Variants in ERMARD observed in about 807,000 individuals in gnomAD.
ERMARD encodes the protein ER membrane associated RNA degradation.
Under a neutral mutation model 83.9 loss-of-function variants are expected in ERMARD, and 71 were observed. The ratio of observed to expected loss-of-function variants is 0.85; its 90% CI spans 0.70 to 1.03. ERMARD has a LOEUF of 1.03. ERMARD is among the 50% of genes least tolerant of loss of function. ERMARD has a pLI of 0.00. For synonymous variants in ERMARD, 284 were observed against 298.6 expected (o/e 0.95, Z 0.50); for missense variants, 838 against 810.9 (o/e 1.03, Z -0.41).
At position 169,753,883 on chromosome 6, in the gene ERMARD, T is replaced by C; in HGVS notation, c.26T>C (p.Ile9Thr). 1 of 1,596,422 alleles carries C rather than the reference T, an allele frequency of 6.3e-7. No individual in the cohort carries two copies. The highest frequency in any genetic ancestry group is 8.5e-7 in the Non-Finnish European group (1 of 1,170,652). The change falls in exon 2 of 18, where the codon ATT (isoleucine) becomes ACT (threonine). Residue 9 changes from isoleucine to threonine, a missense_variant. Coordinates refer to ENST00000366773, the MANE Select transcript of ERMARD (RefSeq NM_018341.3). Reference sequence around the variant, plus strand: ...TTTTAGGTATTAATAGGGGACCCTATTACCACATGTCTTTCTCCCTCAGTG... The same window carrying C: ...TTTTAGGTATTAATAGGGGACCCTACTACCACATGTCTTTCTCCCTCAGTG... MEVLIGDP[I>T]TTCLSPSVYD...
chr6:169,752,458 A>T (rs1473228130), intron 1 of ERMARD, among the ~76,000 whole-genome samples: 1 of 152,198 alleles, frequency 6.6e-6, no homozygotes, highest in African/African-American at 2.4e-5. Flanking sequence ...TTCCAGCCCC[A>T]TAGAGCCACA....
intron 13 of ERMARD, among the ~76,000 whole-genome samples, chr6:169,773,695 T>C (rs1453425107): frequency 3.9e-5 from 6 of 152,254 alleles, no homozygotes; most frequent in Non-Finnish European, 7.3e-5. Flanking sequence ...TGGCAGGCTG[T>C]TATTGCTGTC....
At chr6:169,781,215 A>T in intron 17 of ERMARD, 115 bp from the exon 18 acceptor site, 1 of 903,392 alleles carries the variant, frequency 1.1e-6, no homozygotes, top group Non-Finnish European at 1.6e-6. Flanking sequence ...GAATCCTCAG[A>T]CATAAATTAA....
intron 17 of ERMARD, among the ~76,000 whole-genome samples, chr6:169,780,719 C>T (rs367839789): frequency 2.6e-5 from 4 of 152,200 alleles, no homozygotes; most frequent in East Asian, 3.9e-4. Context: ...TTGAACGATG[C>T]AGGTTTGCAC....
In ERMARD at chr6:169,769,716, A is replaced by G. The variant is rs778640199; in HGVS notation, c.1233+3A>G. 2.5e-6 allele frequency: 4 copies of G among 1,586,614 alleles called. No homozygotes were observed. In the South Asian group the frequency reaches 4.7e-5, roughly 19 times the overall value. Reference sequence around the variant, plus strand: ...ACTGTCTGCTATCAGTTTTTAAGGTAATTTATAGGGAAGAAAATCATTAAT... The same window carrying G: ...ACTGTCTGCTATCAGTTTTTAAGGTGATTTATAGGGAAGAAAATCATTAAT... On this transcript the variant is annotated splice_donor_region_variant and intron_variant, in intron 12 of 17. Coordinates refer to ENST00000366773, the MANE Select transcript of ERMARD (RefSeq NM_018341.3).
chr6:169,765,487 A>AT (rs1421714558), intron 9 of ERMARD, among the ~76,000 whole-genome samples: 1 of 152,228 alleles, frequency 6.6e-6, no homozygotes, highest in Admixed American at 6.5e-5. Flanking sequence ...GTGAGAAGGC[A>AT]TTTATACTAA....
chr6:169,777,811 C>G (rs969719299), intron 16 of ERMARD, among the ~76,000 whole-genome samples: 4 of 150,868 alleles, frequency 2.7e-5, no homozygotes, highest in Non-Finnish European at 5.9e-5. Flanking sequence ...CCAACAGGAA[C>G]AAATGTGTGG....
At position 169,751,818 on chromosome 6, in the gene ERMARD, G is replaced by A. The variant is rs1790137583; in HGVS notation, c.6+155G>A. The A allele has an allele frequency of 1.4e-5, 16 of 1,137,920 alleles. No individual in the cohort carries two copies. The South Asian group carries it at 2.6e-4, about 19-fold the overall frequency. 70.5% of individuals were successfully genotyped at this position (1,137,920 alleles called of 1,614,324 possible). The stretch of plus-strand genomic sequence containing the variant: ...GGGCGCTGGCGACGTCGCGGCCCTG[G>A]CCTCTGTGGCGGTATCGGACGCTCG... On this transcript the variant is annotated intron_variant, in intron 1 of 17. Coordinates refer to ENST00000366773, the MANE Select transcript of ERMARD (RefSeq NM_018341.3).
At chr6:169,773,546 G>A in intron 13 of ERMARD, 144 bp downstream of exon 13, 3 of 697,324 alleles carry the variant, frequency 4.3e-6, no homozygotes, top group Non-Finnish European at 7.2e-6. Flanking sequence ...TGCGGGGCCT[G>A]CTGTGGCGCT....
chr6:169,764,243 C>CT (rs897816975), intron 9 of ERMARD, among the ~76,000 whole-genome samples: 8 of 150,092 alleles, frequency 5.3e-5, no homozygotes, highest in South Asian at 2.1e-4. Flanking sequence ...CCTGCTGATT[C>CT]TTTTTTTTAG....
At position 169,775,207 on chromosome 6, in the gene ERMARD, A is replaced by G. The variant is rs1793437689; in HGVS notation, c.1318-63A>G. Reference sequence around the variant, plus strand: ...CTAGAGAGTGATGTAACATCCATAAAAACACAGATTTTCTAGGAAGTTACT... The same window carrying G: ...CTAGAGAGTGATGTAACATCCATAAGAACACAGATTTTCTAGGAAGTTACT... On this transcript the variant is annotated intron_variant, in intron 13 of 17. Transcript: ENST00000366773. The G allele has an allele frequency of 1.9e-6, 3 of 1,548,266 alleles. No homozygotes were observed. The African/African-American group carries it at 4.1e-5, about 21-fold the overall frequency.
Position 169,769,642 on chromosome 6 carries a change from A to T in ERMARD, c.1162A>T (p.Asn388Tyr). The change falls in exon 12 of 18, where the codon AAT becomes TAT. Residue 388 changes from asparagine (N) to tyrosine (Y), a missense_variant. Transcript: ENST00000366773. ...NLHEFSKETT[N>Y]QLLAFSLVLL... ...ACATGAATTTTCAAAAGAAACAACTAATCAGTTGCTTGCATTTTCTCTTGT... is the reference window on the plus strand; with the variant it reads ...ACATGAATTTTCAAAAGAAACAACTTATCAGTTGCTTGCATTTTCTCTTGT... 1 of 1,612,938 alleles carries T rather than the reference A, an allele frequency of 6.2e-7. No individual in the cohort carries two copies. Among genetic ancestry groups the T allele is most frequent in the Non-Finnish European group, 8.5e-7 (1 of 1,179,478 alleles).
At position 169,760,690 on chromosome 6, in the gene ERMARD, C is replaced by T. The variant is rs1170095555; in HGVS notation, c.791C>T (p.Ser264Phe). ...GTATTAGAAGAAGTGATGATGAAAT[C>T]TGCTTTTATATTAAAAATCATGTTA... ...LSVLEEVMMK[S>F]AFILKIMLPY... The change falls in exon 8 of 18, where the codon TCT becomes TTT. Residue 264 changes from serine to phenylalanine, a missense_variant. Ser to Phe is a radical substitution (Grantham distance 155). Transcript: ENST00000366773. 3 of 1,613,854 alleles carry T rather than the reference C, an allele frequency of 1.9e-6. No homozygotes were observed. Among genetic ancestry groups the T allele is most frequent in the Non-Finnish European group, 2.5e-6 (3 of 1,179,828 alleles).
intron 9 of ERMARD, among the ~76,000 whole-genome samples, chr6:169,765,035 C>T (rs563485006): frequency 2.7e-4 from 41 of 152,364 alleles, no homozygotes; most frequent in Middle Eastern, 3.4e-3. Context: ...ATGCCCAGTG[C>T]CTTCCATGTA....
At chr6:169,779,922 G>A (rs1794018228) in intron 17 of ERMARD, among the ~76,000 whole-genome samples, 1 of 152,174 alleles carries the variant, frequency 6.6e-6, no homozygotes, top group Non-Finnish European at 1.5e-5. Flanking sequence ...CCGGGCAGAG[G>A]TCAAACAAGC....
At chr6:169,780,094 T>A (rs6919922) in intron 17 of ERMARD, among the ~76,000 whole-genome samples, 88,599 of 152,114 alleles carry the variant, frequency 0.58, 29,124 homozygotes, top group East Asian at 0.98. Flanking sequence ...TATGGAAAGA[T>A]GCATAGACTC....
Position 169,762,522 on chromosome 6 carries a change from G to T in ERMARD, c.951G>T (p.Leu317=), listed in dbSNP as rs192319055. 1 of 1,613,306 alleles carries T rather than the reference G, an allele frequency of 6.2e-7. No individual in the cohort carries two copies. Among genetic ancestry groups the T allele is most frequent in the East Asian group, 2.2e-5 (1 of 44,880 alleles). The change falls in exon 9 of 18, where the codon CTG becomes CTT. Residue 317 remains leucine (L), a synonymous_variant. Transcript: ENST00000366773. ...ATLNRCPKRL[L]TAESTALYTT... is the part of the protein sequence containing the mutation. ...TTAACAGATGTCCAAAAAGACTCCT[G>T]ACTGCTGAGGTAAGCTTGTTTTTAT...
chr6:169,775,324 G>A lies in ERMARD; in HGVS notation c.1372G>A (p.Glu458Lys). ...RVWALLPFPE[E>K]LTRQAVRLED... ...TTGGGCTCTGCTGCCTTTCCCCGAA[G>A]AACTCACTCGGCAAGCCGTCAGGTG... The change falls in exon 14 of 18, where the codon GAA becomes AAA. Residue 458 changes from glutamate to lysine, a missense_variant. Transcript: ENST00000366773. The A allele has an allele frequency of 6.2e-7, 1 of 1,614,176 alleles. No homozygotes were observed. The highest frequency in any genetic ancestry group is 1.1e-5 in the South Asian group (1 of 91,080).
intron 7 of ERMARD, among the ~76,000 whole-genome samples, chr6:169,760,438 A>G (rs1791399754): frequency 6.6e-6 from 1 of 152,050 alleles, no homozygotes; most frequent in South Asian, 2.1e-4. Flanking sequence ...CACTGAAGAG[A>G]TGTCCATGCC....
Sources: gnomAD v4.1 joint callset for allele counts (sites outside exome capture counted in the v4.1 genomes callset) on GRCh38, gnomAD v4.1.1 for gene constraint, MANE v1.5 for transcripts, NCBI Gene and HGNC (gene_info 2026-07-23, HGNC 2026-07-21) for gene names.